Variants in CTBP1 observed in about 807,000 individuals in gnomAD.
The protein encoded by CTBP1 is C-terminal-binding protein 1.
In CTBP1, 11 loss-of-function variants were observed where a neutral mutation model predicts 42.1. The ratio of observed to expected loss-of-function variants is 0.26; its 90% CI spans 0.16 to 0.43. The LOEUF (loss-of-function observed/expected upper bound fraction) is 0.43, where lower values mean the gene tolerates loss of function less well. Among genes scored for constraint, CTBP1 ranks in the 20% least tolerant of loss-of-function variants. CTBP1 has a pLI of 1.00. For synonymous variants in CTBP1, 324 were observed against 277.1 expected, an observed-to-expected ratio of 1.17 and a Z score of -1.68; for missense variants, 399 against 624.3, an observed-to-expected ratio of 0.64 and a Z score of 3.85.
intron 1 of CTBP1, chr4:1,245,641 G>A (rs975460438): frequency 1.0e-6 from 1 of 982,634 alleles, no homozygotes; most frequent in African/African-American, 1.8e-5. Context: ...AGAGTGGCAT[G>A]GACGGGCAGG....
At position 1,243,954 on chromosome 4, in the gene CTBP1, G is replaced by C. The variant is rs919227234; in HGVS notation, c.-188-2435C>G. ...CACTCAAGGGACCCACGAGGGAAGT[G>C]AGTGTAGAGCACATGGAAGCTTGTG... On this transcript the variant is annotated intron_variant, in intron 1 of 9. Transcript: ENST00000382952. 6 of 985,356 alleles carry C rather than the reference G, an allele frequency of 6.1e-6. No homozygotes were observed. The South Asian group carries it at 2.8e-4, about 46-fold the overall frequency. The allele number at this position is 985,356 out of a possible 1,614,324, so 61.0% of individuals were successfully genotyped here.
At chr4:1,228,626 T>C (rs1022461006) in intron 3 of CTBP1, among the ~76,000 whole-genome samples, 1 of 151,988 alleles carries the variant, frequency 6.6e-6, no homozygotes, top group Non-Finnish European at 1.5e-5. Flanking sequence ...CTCCCCACTG[T>C]GGTGGCTGAG....
chr4:1,238,962 G>A lies in CTBP1; in HGVS notation c.8-625C>T, dbSNP rs953494598. On this transcript the variant is annotated intron_variant, in intron 2 of 9. Coordinates refer to ENST00000382952, the MANE Select transcript of CTBP1 (RefSeq NM_001012614.2). The surrounding 1 kb of genome is among the most constrained non-coding windows in gnomAD (Gnocchi z 5.9). ...TGCCTGGGCTACCGCGTGGCTGCCC[G>A]GAATCCCTGATGGGGTCACCAGTGT... Among the ~76,000 whole-genome samples, 8 of 152,118 alleles carry A rather than the reference G, an allele frequency of 5.3e-5. No individual in the cohort carries two copies. Among genetic ancestry groups the A allele is most frequent in the East Asian group, 1.9e-4 (1 of 5,194 alleles).
At chr4:1,226,004 C>T (rs1416808333) in intron 4 of CTBP1, among the ~76,000 whole-genome samples, 1 of 152,064 alleles carries the variant, frequency 6.6e-6, no homozygotes, top group Non-Finnish European at 1.5e-5. Context: ...CCTACGTGGA[C>T]ATCCGCACAT....
chr4:1,212,803 C>T (rs1417055982), intron 9 of CTBP1, 110 bp downstream of exon 9: 2 of 924,060 alleles, frequency 2.2e-6, no homozygotes, highest in East Asian at 2.5e-5. Flanking sequence ...TACCCAGATC[C>T]TCCAGGTCAG....
chr4:1,244,158 C>A (rs1343781549), intron 1 of CTBP1: 1 of 985,202 alleles, frequency 1.0e-6, no homozygotes, highest in Non-Finnish European at 1.2e-6. Context: ...CGCCCTGTCT[C>A]TGGATGCACA....
At chr4:1,248,844 CCCCCGCCCGCGCGGCACCCG>C (rs1171179477) in intron 1 of CTBP1, 52 bp downstream of exon 1, 7 of 910,040 alleles carry the variant, frequency 7.7e-6, no homozygotes, top group East Asian at 2.5e-4. Context: ...GCCCCCGCGC[CCCCCGCCCGCGCGGCACCCG>C]CCCCGCCCCG....
intron 5 of CTBP1, chr4:1,221,456 T>A (rs1729724498): frequency 6.4e-6 from 1 of 155,302 alleles, no homozygotes. Context: ...GGCAGAAATG[T>A]GTTCACACAA....
At chr4:1,213,185 G>A (rs1728724730) in intron 8 of CTBP1, 155 bp from the exon 9 acceptor site, 8 of 761,172 alleles carry the variant, frequency 1.1e-5, no homozygotes, top group South Asian at 8.7e-5. Flanking sequence ...CTGTCTCTCT[G>A]GGCACTGGCA....
chr4:1,241,091 T>C (rs770431126), intron 2 of CTBP1, among the ~76,000 whole-genome samples: 19 of 152,178 alleles, frequency 1.2e-4, no homozygotes, highest in Non-Finnish European at 2.2e-4. Context: ...AGACAGCAGA[T>C]GCCACGGACA....
Position 1,238,076 on chromosome 4 carries a change from C to T in CTBP1, c.162+107G>A. The T allele has an allele frequency of 7.0e-7, 1 of 1,437,158 alleles. No homozygotes were observed. The highest frequency in any genetic ancestry group is 9.7e-7 in the Non-Finnish European group (1 of 1,026,594). 89.0% of individuals were successfully genotyped at this position (1,437,158 alleles called of 1,614,324 possible). The stretch of plus-strand genomic sequence containing the variant: ...ACGACTGGGACAGAGGCTGCTCCTG[C>T]CCCAGTGGCACCCAGACCTGCTGTG... On this transcript the variant is annotated intron_variant, in intron 3 of 9. Coordinates refer to ENST00000382952, the MANE Select transcript of CTBP1 (RefSeq NM_001012614.2). This position sits in a 1 kb window ranked among gnomAD's most constrained non-coding sequence, Gnocchi z 5.9.
At chr4:1,219,736 C>T (rs933429283) in intron 5 of CTBP1, among the ~76,000 whole-genome samples, 2 of 152,218 alleles carry the variant, frequency 1.3e-5, no homozygotes, top group African/African-American at 4.8e-5. Flanking sequence ...GGTCTCATTA[C>T]GCCATCCAGG....
intron 5 of CTBP1, among the ~76,000 whole-genome samples, chr4:1,224,665 GC>G (rs1178522516): frequency 1.3e-5 from 2 of 151,618 alleles, no homozygotes; most frequent in East Asian, 3.9e-4. Context: ...GGCCCTGTGT[GC>G]TGTGACGTCC....
At chr4:1,241,628 C>T (rs1299489036) in intron 1 of CTBP1, 109 bp from the exon 2 acceptor site, 34 of 1,408,488 alleles carry the variant, frequency 2.4e-5, no homozygotes, top group Non-Finnish European at 2.9e-5. Context: ...CTGCCACACC[C>T]GGGACTGCTG....
At chr4:1,214,892 T>C (rs1728941488) in intron 6 of CTBP1, among the ~76,000 whole-genome samples, 1 of 152,222 alleles carries the variant, frequency 6.6e-6, no homozygotes, top group Non-Finnish European at 1.5e-5. Flanking sequence ...TGAGGCGTGG[T>C]CTTTGACTCC....
chr4:1,214,310 A>G (rs1728869155), intron 7 of CTBP1, 33 bp downstream of exon 7: 1 of 1,523,372 alleles, frequency 6.6e-7, no homozygotes, highest in Non-Finnish European at 8.7e-7. Context: ...TGGACAGGGA[A>G]GAGCAGGGGG....
In CTBP1 at chr4:1,241,726, G is replaced by A. The variant is rs1161729851; in HGVS notation, c.-188-207C>T. 1.5e-5 allele frequency: 18 copies of A among 1,207,852 alleles called. 1 individual carries two copies. The highest frequency in any genetic ancestry group is 1.9e-5 in the Non-Finnish European group (18 of 954,746). 74.8% of individuals were successfully genotyped at this position (1,207,852 alleles called of 1,614,324 possible). A position where few individuals can be genotyped will look rare whatever the true frequency, so the allele number is the denominator to read the frequency against. On this transcript the variant is annotated intron_variant, in intron 1 of 9. Coordinates refer to ENST00000382952, the MANE Select transcript of CTBP1 (RefSeq NM_001012614.2). ...CACGAAGGGCGCTCACCCTGAGGTT[G>A]CAGTGCCAGGCCCGAGGCCGCGCCC...
chr4:1,241,747 CG>C, intron 1 of CTBP1: 1 of 1,196,868 alleles, frequency 8.4e-7, no homozygotes, highest in Non-Finnish European at 1.1e-6. Context: ...CCCGAGGCCG[CG>C]CCCCTGTGGC....
At chr4:1,249,712 C>A, upstream of CTBP1, 1 of 403,922 alleles carries the variant, frequency 2.5e-6, no homozygotes, top group Non-Finnish European at 5.0e-6. Flanking sequence ...AGTGCGTCCC[C>A]AGGCGGGGGA....
Sources: allele counts gnomAD v4.1 joint callset (sites outside exome capture counted in the v4.1 genomes callset), GRCh38; gene constraint gnomAD v4.1.1; non-coding constraint Gnocchi (gnomAD v3.1); transcripts MANE v1.5; gene names NCBI Gene and HGNC (gene_info 2026-07-23, HGNC 2026-07-21).